The following HIBCH variants were observed in gnomAD, a reference collection of about 807,000 sequenced individuals.
HIBCH encodes 3-hydroxyisobutyryl-CoA hydrolase.
Under a neutral mutation model 58.2 loss-of-function variants are expected in HIBCH, and 50 were observed. The ratio of observed to expected loss-of-function variants is 0.86; its 90% CI spans 0.68 to 1.09. The LOEUF is 1.09. Among genes scored for constraint, HIBCH ranks in the 50% least tolerant of loss-of-function variants. HIBCH has a pLI of 0.00. For missense variants in HIBCH, 450 were observed against 449.7 expected, an observed-to-expected ratio of 1.00 and a Z score of -0.01; for synonymous variants, 151 against 146.9, an observed-to-expected ratio of 1.03 and a Z score of -0.20.
intron 12 of HIBCH, among the ~76,000 whole-genome samples, chr2:190,212,003 A>G (rs1690521185): frequency 6.6e-6 from 1 of 152,204 alleles, no homozygotes; most frequent in South Asian, 2.1e-4. Flanking sequence ...TTCATATGCC[A>G]TATCTCTGTC....
At chr2:190,221,092 TACACAC>T (rs79361010) in intron 11 of HIBCH, among the ~76,000 whole-genome samples, 61,963 of 151,652 alleles carry the variant, frequency 0.41, 15,532 homozygotes, top group South Asian at 0.59. Flanking sequence ...GCTTGTTTCA[TACACAC>T]ACAAACACAC....
At chr2:190,295,590 A>C (rs1346040227) in intron 3 of HIBCH, among the ~76,000 whole-genome samples, 1 of 152,248 alleles carries the variant, frequency 6.6e-6, no homozygotes, top group Non-Finnish European at 1.5e-5. Context: ...GAGAATAAAT[A>C]TGTAACGCAC....
rs1018606695 is a variant in HIBCH at position 190,210,141 on chromosome 2, T to A, written c.1012-1228A>T. Among the ~76,000 whole-genome samples the A allele has an allele frequency of 1.3e-5, 2 of 152,176 alleles. No individual in the cohort carries two copies. The highest frequency in any genetic ancestry group is 1.3e-4 in the Admixed American group (2 of 15,282). On this transcript the variant is annotated intron_variant, in intron 12 of 13. Transcript: ENST00000359678. This position sits in a 1 kb window ranked among gnomAD's most constrained non-coding sequence, Gnocchi z 5.5. ...CCTATTTCACTTTCAAGAGTATTCA[T>A]CTACACATATTCTCTCCACTTCTTC...
intron 11 of HIBCH, among the ~76,000 whole-genome samples, chr2:190,238,283 C>T (rs1686342581): frequency 6.6e-6 from 1 of 152,188 alleles, no homozygotes; most frequent in Non-Finnish European, 1.5e-5. Flanking sequence ...TTTACACTCC[C>T]ACCAACAGTG....
chr2:190,313,277 ACTT>A (rs1255754640), intron 1 of HIBCH, among the ~76,000 whole-genome samples: 1 of 151,758 alleles, frequency 6.6e-6, no homozygotes, highest in Admixed American at 6.6e-5. Context: ...TTCATAAGCA[ACTT>A]CTTTGTTCTT....
chr2:190,313,577 A>G (rs1359161860), intron 1 of HIBCH, among the ~76,000 whole-genome samples: 3 of 148,634 alleles, frequency 2.0e-5, no homozygotes, highest in African/African-American at 7.5e-5. Context: ...TTTCTAACAC[A>G]GAGGTTGCAG....
Position 190,315,103 on chromosome 2 carries a change from A to C in HIBCH, c.36-4307T>G, listed in dbSNP as rs1273358728. ...GCTGGGACTACAGGTGCCTGCCACC[A>C]TGCCCGGCTAATTTTTTGTATTTTT... On this transcript the variant is annotated intron_variant, in intron 1 of 13. Coordinates refer to ENST00000359678, the MANE Select transcript of HIBCH (RefSeq NM_014362.4). The surrounding 1 kb of genome is among the most constrained non-coding windows in gnomAD (Gnocchi z 5.4). Among the ~76,000 whole-genome samples, 1 of 151,962 alleles carries C rather than the reference A, an allele frequency of 6.6e-6. No individual in the cohort carries two copies. Among genetic ancestry groups the C allele is most frequent in the Non-Finnish European group, 1.5e-5 (1 of 67,988 alleles).
intron 6 of HIBCH, among the ~76,000 whole-genome samples, chr2:190,265,272 G>A (rs1279121047): frequency 6.6e-5 from 10 of 151,816 alleles, no homozygotes; most frequent in South Asian, 4.2e-4. Flanking sequence ...ACTTCAAGAG[G>A]TCTTTCACAT....
intron 6 of HIBCH, among the ~76,000 whole-genome samples, chr2:190,274,300 G>C (rs1687488070): frequency 6.6e-6 from 1 of 152,116 alleles, no homozygotes. Flanking sequence ...TTCAATCTTT[G>C]AGCACTGTTC....
At chr2:190,198,365 G>A (rs777691073) in intron 1 of HIBCH, among the ~76,000 whole-genome samples, 1 of 152,110 alleles carries the variant, frequency 6.6e-6, no homozygotes. Flanking sequence ...TTCAGGCCAG[G>A]CACAGTGGCT....
rs987289534 is a variant in HIBCH, at chr2:190,294,725, T to C, written c.220-95A>G. 28 of 799,168 alleles carry C rather than the reference T, an allele frequency of 3.5e-5. 1 individual carries two copies. The South Asian group carries it at 3.6e-4, about 10-fold the overall frequency. 49.5% of individuals were successfully genotyped at this position (799,168 alleles called of 1,614,324 possible). On this transcript the variant is annotated intron_variant, in intron 3 of 13. Coordinates refer to ENST00000359678, the MANE Select transcript of HIBCH (RefSeq NM_014362.4). ...GCACATATATTCAATCATATATTCA[T>C]ATACATATGTGTTTGTGACAGTACA...
At chr2:190,307,394 C>A (rs1688440817) in intron 2 of HIBCH, among the ~76,000 whole-genome samples, 1 of 152,084 alleles carries the variant, frequency 6.6e-6, no homozygotes, top group Non-Finnish European at 1.5e-5. Flanking sequence ...TAAAATAGAC[C>A]AGCATGGTGG....
At chr2:190,223,853 A>G (rs1355042633) in intron 11 of HIBCH, among the ~76,000 whole-genome samples, 5 of 152,240 alleles carry the variant, frequency 3.3e-5, no homozygotes, top group African/African-American at 9.6e-5. Flanking sequence ...AATGTGGAAG[A>G]TGGGTGATTT....
intron 11 of HIBCH, among the ~76,000 whole-genome samples, chr2:190,240,827 C>T (rs770598964): frequency 6.6e-6 from 1 of 152,208 alleles, no homozygotes; most frequent in Non-Finnish European, 1.5e-5. Context: ...AATTTGATTG[C>T]ACTGCGGTCT....
At chr2:190,223,496 G>A (rs1401643173) in intron 11 of HIBCH, among the ~76,000 whole-genome samples, 1 of 152,204 alleles carries the variant, frequency 6.6e-6, no homozygotes, top group Non-Finnish European at 1.5e-5. Context: ...TGGTAGGCGT[G>A]AAGAAAAACA....
chr2:190,313,044 TAA>T (rs1380871428), intron 1 of HIBCH, among the ~76,000 whole-genome samples: 1 of 152,188 alleles, frequency 6.6e-6, no homozygotes, highest in Non-Finnish European at 1.5e-5. Context: ...GTGTAGAAAG[TAA>T]AAAGTTTCCT....
chr2:190,236,375 T>C lies in HIBCH; in HGVS notation c.891+8512A>G, dbSNP rs1686274360. Among the ~76,000 whole-genome samples, 1 of 152,220 alleles carries C rather than the reference T, an allele frequency of 6.6e-6. No individual in the cohort carries two copies. Among genetic ancestry groups the C allele is most frequent in the Non-Finnish European group, 1.5e-5 (1 of 68,048 alleles). ...ATTATACTCTGTTAGTTTTTAATTT[T>C]TTAAGCTAGTTTAAATCAAACATAT... On this transcript the variant is annotated intron_variant, in intron 11 of 13. Transcript: ENST00000359678. The surrounding 1 kb of genome is among the most constrained non-coding windows in gnomAD (Gnocchi z 4.1).
chr2:190,207,501 A>G lies in HIBCH; in HGVS notation c.1045+1379T>C, dbSNP rs1191878111. ...CTTATTTCTGATATTGTATCATGTC[A>G]GAAATGAAGAGAACTCTATGAAGAG... On this transcript the variant is annotated intron_variant, in intron 13 of 13. Coordinates refer to ENST00000359678, the MANE Select transcript of HIBCH (RefSeq NM_014362.4). The surrounding 1 kb of genome is among the most constrained non-coding windows in gnomAD (Gnocchi z 4.5). Among the ~76,000 whole-genome samples the G allele has an allele frequency of 1.3e-5, 2 of 152,252 alleles. No homozygotes were observed. Among genetic ancestry groups the G allele is most frequent in the Non-Finnish European group, 2.9e-5 (2 of 68,046 alleles).
intron 1 of HIBCH, among the ~76,000 whole-genome samples, chr2:190,193,389 GTCT>G (rs1264470333): frequency 6.6e-6 from 1 of 152,024 alleles, no homozygotes; most frequent in Non-Finnish European, 1.5e-5. Context: ...GTGGAGTTTT[GTCT>G]TCTTGGTAAT....
Sources: gnomAD v4.1 joint callset for allele counts (sites outside exome capture counted in the v4.1 genomes callset) on GRCh38, gnomAD v4.1.1 for gene constraint, Gnocchi (gnomAD v3.1) non-coding constraint, MANE v1.5 for transcripts, NCBI Gene and HGNC (gene_info 2026-07-23, HGNC 2026-07-21) for gene names.